Variants in TP63 observed in about 807,000 individuals in gnomAD.
TP63 encodes tumor protein p63.
In TP63, 17 loss-of-function variants were observed where a neutral mutation model predicts 82.8. The observed-to-expected ratio is 0.21, with a 90% CI of 0.14 to 0.31. The LOEUF (loss-of-function observed/expected upper bound fraction) is 0.31, where lower values mean the gene tolerates loss of function less well. TP63 is among the 10% of genes least tolerant of loss of function. TP63 has a pLI of 1.00. For synonymous variants in TP63, 330 were observed against 321.7 expected (o/e 1.03, Z -0.28); for missense variants, 648 against 895.3 (o/e 0.72, Z 3.52).
intron 3 of TP63, among the ~76,000 whole-genome samples, chr3:189,789,115 G>A (rs1181066928): frequency 6.6e-6 from 1 of 151,992 alleles, no homozygotes; most frequent in Non-Finnish European, 1.5e-5. Flanking sequence ...GAAACCACTG[G>A]CATTTCTCTG....
At chr3:189,653,552 A>G (rs1713074654) in intron 1 of TP63, among the ~76,000 whole-genome samples, 1 of 152,226 alleles carries the variant, frequency 6.6e-6, no homozygotes, top group African/African-American at 2.4e-5. Context: ...GATTTCTACT[A>G]AGTAGACTTA....
intron 1 of TP63, among the ~76,000 whole-genome samples, chr3:189,698,369 T>G (rs1296736299): frequency 6.6e-6 from 1 of 152,150 alleles, no homozygotes; most frequent in Non-Finnish European, 1.5e-5. Context: ...AGAAATTCAA[T>G]AATTACTCAT....
At chr3:189,839,546 A>T (rs182547483) in intron 4 of TP63, among the ~76,000 whole-genome samples, 66 of 152,188 alleles carry the variant, frequency 4.3e-4, no homozygotes, top group African/African-American at 1.6e-3. Context: ...TTTGTGATTC[A>T]CCCCAAAACG....
At chr3:189,634,973 T>G (rs930796111) in intron 1 of TP63, among the ~76,000 whole-genome samples, 17 of 152,046 alleles carry the variant, frequency 1.1e-4, no homozygotes, top group Admixed American at 4.6e-4. Flanking sequence ...CAAAGTACTT[T>G]TAATAGATTA....
intron 3 of TP63, among the ~76,000 whole-genome samples, chr3:189,790,994 C>T (rs540735941): frequency 1.3e-5 from 2 of 152,236 alleles, no homozygotes; most frequent in South Asian, 4.1e-4. Context: ...AAGGAAGTGC[C>T]TATTTTTCTT....
chr3:189,665,261 G>A (rs75664567), intron 1 of TP63, among the ~76,000 whole-genome samples: 4,959 of 152,094 alleles, frequency 0.033, 110 homozygotes, highest in Non-Finnish European at 0.045. Context: ...CTTATGCTAC[G>A]GTTCAGGGAT....
At chr3:189,657,254 T>C (rs928754499) in intron 1 of TP63, among the ~76,000 whole-genome samples, 1 of 152,074 alleles carries the variant, frequency 6.6e-6, no homozygotes, top group Non-Finnish European at 1.5e-5. Flanking sequence ...TGTATAATAC[T>C]GCAGTGATGC....
At chr3:189,769,937 A>G (rs1254361205) in intron 3 of TP63, among the ~76,000 whole-genome samples, 3 of 152,380 alleles carry the variant, frequency 2.0e-5, no homozygotes, top group South Asian at 4.1e-4. Flanking sequence ...ATATTCCAAT[A>G]ATAAGTCACA....
chr3:189,863,834 CT>C (rs1368934033), intron 4 of TP63, among the ~76,000 whole-genome samples: 1 of 152,138 alleles, frequency 6.6e-6, no homozygotes. Context: ...AGAAATCTGT[CT>C]TTGTGGTTGT....
chr3:189,816,462 A>G (rs1226311629), intron 4 of TP63, among the ~76,000 whole-genome samples: 1 of 152,148 alleles, frequency 6.6e-6, no homozygotes, highest in African/African-American at 2.4e-5. Context: ...CCGCTTTGGT[A>G]AAGGGCCGAT....
At chr3:189,791,547 A>C (rs1273387861) in intron 3 of TP63, among the ~76,000 whole-genome samples, 4 of 152,118 alleles carry the variant, frequency 2.6e-5, no homozygotes, top group Admixed American at 2.0e-4. Flanking sequence ...ATATGTAATC[A>C]AGAGCTACAA....
At chr3:189,649,803 A>G (rs1446299329) in intron 1 of TP63, among the ~76,000 whole-genome samples, 1 of 146,980 alleles carries the variant, frequency 6.8e-6, no homozygotes, top group East Asian at 2.4e-4. Context: ...GTGTAAGATC[A>G]GAGTGGCTGG....
At chr3:189,680,516 C>A (rs1003661351) in intron 1 of TP63, among the ~76,000 whole-genome samples, 1 of 152,132 alleles carries the variant, frequency 6.6e-6, no homozygotes, top group Non-Finnish European at 1.5e-5. Context: ...CTGGTGAACA[C>A]AGACATAAAA....
chr3:189,708,630 C>T (rs1015149424), intron 1 of TP63, among the ~76,000 whole-genome samples: 7 of 152,192 alleles, frequency 4.6e-5, no homozygotes, highest in African/African-American at 1.2e-4. Context: ...AAGGGAAGCA[C>T]GTGCAAGGGT....
At chr3:189,732,297 G>A (rs1720228851) in intron 1 of TP63, among the ~76,000 whole-genome samples, 3 of 152,136 alleles carry the variant, frequency 2.0e-5, no homozygotes, top group Admixed American at 2.0e-4. Context: ...AAGCCCCCTT[G>A]AAGCCCTGAG....
chr3:189,668,266 A>C (rs1481427537), intron 1 of TP63, among the ~76,000 whole-genome samples: 1 of 152,146 alleles, frequency 6.6e-6, no homozygotes, highest in Non-Finnish European at 1.5e-5. Context: ...AAATTACATC[A>C]TCCAAGATGT....
At chr3:189,655,328 A>G (rs1187309026) in intron 1 of TP63, among the ~76,000 whole-genome samples, 1 of 152,172 alleles carries the variant, frequency 6.6e-6, no homozygotes, top group Non-Finnish European at 1.5e-5. Flanking sequence ...ATGAATGGCC[A>G]CAAACAAATC....
chr3:189,840,088 G>A (rs563788714), intron 4 of TP63, among the ~76,000 whole-genome samples: 5 of 152,266 alleles, frequency 3.3e-5, no homozygotes, highest in Admixed American at 1.3e-4. Flanking sequence ...ATCACAGTAC[G>A]TGTTAGCTTT....
intron 3 of TP63, among the ~76,000 whole-genome samples, chr3:189,759,270 T>C (rs35042961): frequency 0.53 from 81,214 of 151,996 alleles, 21,842 homozygotes; most frequent in East Asian, 0.73. Flanking sequence ...GTGAGAGTGG[T>C]GATCTTTCTA....
Sources: gnomAD v4.1 joint callset for allele counts (sites outside exome capture counted in the v4.1 genomes callset) on GRCh38, gnomAD v4.1.1 for gene constraint, MANE v1.5 for transcripts, NCBI Gene and HGNC (gene_info 2026-07-23, HGNC 2026-07-21) for gene names.